VAT1L: variants seen among roughly 807,000 people sequenced by gnomAD.
The protein encoded by VAT1L is vesicle amine transport 1 like.
VAT1L carries 34 observed loss-of-function variants against 44.1 expected under a neutral mutation model. The ratio of observed to expected loss-of-function variants is 0.77; its 90% CI spans 0.59 to 1.03. The LOEUF is 1.03. Among genes scored for constraint, VAT1L ranks in the 50% least tolerant of loss-of-function variants. The pLI, the probability that VAT1L is intolerant of heterozygous loss-of-function variation, is 0.00. For synonymous variants in VAT1L, 253 were observed against 202.2 expected (o/e 1.25, Z -2.13); for missense variants, 615 against 538.8 (o/e 1.14, Z -1.40).
chr16:77,799,031 C>G (rs547030387), intron 1 of VAT1L, among the ~76,000 whole-genome samples: 1 of 151,990 alleles, frequency 6.6e-6, no homozygotes, highest in Non-Finnish European at 1.5e-5. Flanking sequence ...GCTTCCTTCC[C>G]GAGGCTGGAA....
intron 1 of VAT1L, among the ~76,000 whole-genome samples, chr16:77,813,059 T>C (rs2016291984): frequency 6.6e-6 from 1 of 152,104 alleles, no homozygotes. Flanking sequence ...GCATAGTCAT[T>C]GCCACCCCCA....
intron 2 of VAT1L, among the ~76,000 whole-genome samples, chr16:77,818,553 C>T (rs538241917): frequency 2.4e-4 from 36 of 152,292 alleles, no homozygotes; most frequent in African/African-American, 8.2e-4. Flanking sequence ...CAGCTCACTC[C>T]GTTAACCCCA....
intron 7 of VAT1L, among the ~76,000 whole-genome samples, chr16:77,950,423 C>T (rs1438753998): frequency 1.7e-5 from 1 of 59,640 alleles, no homozygotes; most frequent in African/African-American, 4.0e-5. Context: ...CACACACACA[C>T]ACACACACAC....
intron 7 of VAT1L, among the ~76,000 whole-genome samples, chr16:77,969,981 A>G (rs981354674): frequency 1.3e-5 from 2 of 150,200 alleles, no homozygotes; most frequent in Non-Finnish European, 3.0e-5. Flanking sequence ...GGGGAGGCCA[A>G]CGGGGGAGGA....
intron 7 of VAT1L, among the ~76,000 whole-genome samples, chr16:77,903,513 T>C (rs1366969434): frequency 3.3e-5 from 5 of 152,100 alleles, no homozygotes; most frequent in South Asian, 2.1e-4. Flanking sequence ...TGAAGACTTA[T>C]TCTAAGCCAA....
In VAT1L at chr16:77,956,926, A is replaced by G. The variant is rs542728298; in HGVS notation, c.1078-14924A>G. On this transcript the variant is annotated intron_variant, in intron 7 of 8. Coordinates refer to ENST00000302536, the MANE Select transcript of VAT1L (RefSeq NM_020927.3). The stretch of plus-strand genomic sequence containing the variant: ...TAGACAACAGTTATATATGGATTAT[A>G]GAGTCAACGTATCTCAGTTTCCTTA... Among the ~76,000 whole-genome samples the G allele has an allele frequency of 2.6e-5, 4 of 152,330 alleles. No individual in the cohort carries two copies. In the South Asian group the frequency reaches 8.3e-4, roughly 32 times the overall value.
At chr16:77,974,504 G>A (rs573319572) in intron 8 of VAT1L, among the ~76,000 whole-genome samples, 1 of 152,160 alleles carries the variant, frequency 6.6e-6, no homozygotes, top group Non-Finnish European at 1.5e-5. Flanking sequence ...ACCTTTCAGG[G>A]TAAAGGCACA....
intron 7 of VAT1L, among the ~76,000 whole-genome samples, chr16:77,941,684 T>C (rs416246): frequency 0.97 from 148,240 of 152,130 alleles, 72,366 homozygotes; most frequent in East Asian, 1. Context: ...CTCCCGGGTT[T>C]AAGCTATTGT....
At chr16:77,965,482 G>A (rs967136401) in intron 7 of VAT1L, among the ~76,000 whole-genome samples, 2 of 152,178 alleles carry the variant, frequency 1.3e-5, no homozygotes, top group African/African-American at 4.8e-5. Flanking sequence ...GGCATCTTGA[G>A]GTGCTTGAAT....
intron 4 of VAT1L, 48 bp from the exon 5 acceptor site, chr16:77,876,322 T>C (rs1388021221): frequency 6.6e-7 from 1 of 1,508,142 alleles, no homozygotes; most frequent in Admixed American, 1.7e-5. Flanking sequence ...ATTGACAGTC[T>C]GGCTCCTGAC....
intron 2 of VAT1L, among the ~76,000 whole-genome samples, chr16:77,821,912 A>G (rs1181470156): frequency 6.6e-6 from 1 of 152,174 alleles, no homozygotes; most frequent in Non-Finnish European, 1.5e-5. Context: ...ATTTTCCTGA[A>G]AGAAAGACAG....
chr16:77,818,437 G>T (rs1023443500), intron 2 of VAT1L, among the ~76,000 whole-genome samples: 6 of 151,986 alleles, frequency 3.9e-5, no homozygotes, highest in African/African-American at 1.5e-4. Context: ...TTGTCCCCAG[G>T]TAAGCAGTGT....
chr16:77,920,021 T>C lies in VAT1L; in HGVS notation c.1077+35219T>C, dbSNP rs370125786. 1.8e-3 allele frequency among the ~76,000 whole-genome samples: 272 copies of C among 152,118 alleles called. 4 individuals are homozygous for C. The South Asian group carries it at 0.055, about 31-fold the overall frequency. On this transcript the variant is annotated intron_variant, in intron 7 of 8. Coordinates refer to ENST00000302536, the MANE Select transcript of VAT1L (RefSeq NM_020927.3). ...ATTGCTTGAACCTGAGAGGCAGAGA[T>C]TGCAGTGAGTCAAGATGGTGCCCCT...
chr16:77,954,939 A>C (rs1567521185), intron 7 of VAT1L, among the ~76,000 whole-genome samples: 1 of 152,198 alleles, frequency 6.6e-6, no homozygotes, highest in East Asian at 1.9e-4. Flanking sequence ...AAATATAGGA[A>C]ACACACGTGA....
chr16:77,882,145 GC>G (rs2017161548), intron 6 of VAT1L: 1 of 152,154 alleles, frequency 6.6e-6, no homozygotes, highest in South Asian at 2.1e-4. Context: ...TGAAGAGAGG[GC>G]CTACGAAGAG....
chr16:77,947,115 T>C (rs1246557124), intron 7 of VAT1L, among the ~76,000 whole-genome samples: 1 of 152,254 alleles, frequency 6.6e-6, no homozygotes, highest in African/African-American at 2.4e-5. Context: ...AGCCCTTTTC[T>C]GTTTCCCTTC....
chr16:77,877,105 T>C (rs888166663), intron 5 of VAT1L, among the ~76,000 whole-genome samples: 12 of 152,318 alleles, frequency 7.9e-5, no homozygotes, highest in African/African-American at 2.6e-4. Context: ...GTGGAAGAGA[T>C]GTATGCAAAA....
chr16:77,899,673 A>T (rs2017360512), intron 7 of VAT1L, among the ~76,000 whole-genome samples: 1 of 152,200 alleles, frequency 6.6e-6, no homozygotes, highest in Non-Finnish European at 1.5e-5. Flanking sequence ...ACAGACACCA[A>T]CTGAGTGAGG....
intron 3 of VAT1L, 122 bp from the exon 4 acceptor site, chr16:77,862,622 CTAAA>C: frequency 1.4e-6 from 1 of 691,202 alleles, no homozygotes; most frequent in South Asian, 2.1e-5. Context: ...GACTCCATCT[CTAAA>C]AAAAAAAAAA....
Sources: allele counts gnomAD v4.1 joint callset (sites outside exome capture counted in the v4.1 genomes callset), GRCh38; gene constraint gnomAD v4.1.1; transcripts MANE v1.5; gene names NCBI Gene and HGNC (gene_info 2026-07-23, HGNC 2026-07-21).